The following ABCA1 variants were observed in gnomAD, a reference collection of about 807,000 sequenced individuals.
The protein encoded by ABCA1 is ATP binding cassette subfamily A member 1, also known as phospholipid-transporting ATPase ABCA1.
ABCA1 carries 133 observed loss-of-function variants against 262.5 expected under a neutral mutation model. That is an observed-to-expected ratio of 0.51 (90% CI 0.44 to 0.59). The LOEUF is 0.59. ABCA1 is among the 20% of genes least tolerant of loss of function. The probability of loss-of-function intolerance (pLI) is 0.00; values close to 1 mark genes in which losing one functional copy is unlikely to be tolerated. For missense variants in ABCA1, 2,452 were observed against 2,777.5 expected (o/e 0.88, Z 2.63); for synonymous variants, 1,022 against 1,043.5 (o/e 0.98, Z 0.40).
In ABCA1 at chr9:104,909,651, C is replaced by CAT. The variant is rs1564290670; in HGVS notation, c.-92-5881_-92-5880insAT. 1.4e-3 allele frequency among the ~76,000 whole-genome samples: 186 copies of CAT among 128,842 alleles called. 2 individuals are homozygous for CAT. Among genetic ancestry groups the CAT allele is most frequent in the Middle Eastern group, 0.012 (3 of 242 alleles). The allele number at this position is 128,842 out of a possible 152,430, so 84.5% of individuals were successfully genotyped here. On this transcript the variant is annotated intron_variant, in intron 1 of 49. Transcript: ENST00000374736. ...ACACACACACACACACACACACACA[C>CAT]ACATTCACAGGAAGCTGGCTGTGAA...
At chr9:104,796,268 C>A (rs1829890339) in intron 38 of ABCA1, 41 bp downstream of exon 38, 1 of 1,613,950 alleles carries the variant, frequency 6.2e-7, no homozygotes, top group African/African-American at 1.3e-5. Context: ...GCACCAAATG[C>A]CTTATCCACT....
intron 5 of ABCA1, among the ~76,000 whole-genome samples, chr9:104,864,089 C>CT (rs1242592155): frequency 6.6e-6 from 1 of 152,154 alleles, no homozygotes; most frequent in Non-Finnish European, 1.5e-5. Flanking sequence ...CAGACTATGC[C>CT]TATAGGATAG....
intron 8 of ABCA1, among the ~76,000 whole-genome samples, chr9:104,842,533 G>A (rs1156318484): frequency 1.3e-5 from 2 of 152,048 alleles, no homozygotes; most frequent in Admixed American, 1.3e-4. Context: ...CCCAGCACCC[G>A]TTTCAGGGGT....
In ABCA1 at chr9:104,861,739, G is replaced by A. The variant is rs1175975965; in HGVS notation, c.483C>T (p.Asn161=). ...CCACAGTAGACTTTGGGAGAGAGAG[G>A]TTGTGATACAGGAACCCAGAGAAGG... ...NETFSGFLYH[N]LSLPKSTVDK... is the part of the protein sequence containing the mutation. The change falls in exon 6 of 50, where the codon AAC becomes AAT. Residue 161 remains asparagine (N), a synonymous_variant. Coordinates refer to ENST00000374736, the MANE Select transcript of ABCA1 (RefSeq NM_005502.4). The A allele has an allele frequency of 1.9e-6, 3 of 1,613,754 alleles. No individual in the cohort carries two copies. The highest frequency in any genetic ancestry group is 1.7e-5 in the Admixed American group (1 of 60,002).
chr9:104,784,471 G>C lies in ABCA1; in HGVS notation c.6646-16C>G, dbSNP rs749070718. The C allele has an allele frequency of 4.3e-6, 7 of 1,613,960 alleles. No homozygotes were observed. Among genetic ancestry groups the C allele is most frequent in the Admixed American group, 3.3e-5 (2 of 60,006 alleles). ...TCACAAATACCTGTTAAAAGATTAA[G>C]ATGGACCTTTATAAATACCACTCAA... is the stretch of plus-strand genomic sequence containing the variant. On this transcript the variant is annotated splice_polypyrimidine_tract_variant and intron_variant, in intron 49 of 49. Transcript: ENST00000374736.
At chr9:104,821,346 C>T (rs1325560137) in intron 20 of ABCA1, 29 bp downstream of exon 20, 10 of 1,613,024 alleles carry the variant, frequency 6.2e-6, no homozygotes, top group East Asian at 4.5e-5. Context: ...CCAGAAAAGG[C>T]CTATTCTTAA....
At chr9:104,821,653 C>G (rs1832362704) in intron 19 of ABCA1, 147 bp from the exon 20 acceptor site, 2 of 933,838 alleles carry the variant, frequency 2.1e-6, no homozygotes, top group African/African-American at 3.3e-5. Context: ...CCACACAAAG[C>G]AAAGCTGTCC....
At chr9:104,919,013 T>C (rs1841989838) in intron 1 of ABCA1, among the ~76,000 whole-genome samples, 1 of 152,164 alleles carries the variant, frequency 6.6e-6, no homozygotes, top group African/African-American at 2.4e-5. Flanking sequence ...TCCTAGCAGC[T>C]CCTTCCCCCT....
chr9:104,803,487 T>C (rs1830512934), intron 32 of ABCA1, among the ~76,000 whole-genome samples, 171 bp from the exon 33 acceptor site: 1 of 152,210 alleles, frequency 6.6e-6, no homozygotes, highest in South Asian at 2.1e-4. Context: ...TGTTCAGGCC[T>C]CTTCCAGCCT....
chr9:104,823,306 G>A (rs1002892890), intron 18 of ABCA1, among the ~76,000 whole-genome samples: 2 of 152,090 alleles, frequency 1.3e-5, no homozygotes, highest in African/African-American at 4.8e-5. Flanking sequence ...TGATAAAATT[G>A]CATAGAACTA....
intron 7 of ABCA1, among the ~76,000 whole-genome samples, chr9:104,848,855 G>A (rs944930888): frequency 2.6e-5 from 4 of 152,048 alleles, no homozygotes; most frequent in Admixed American, 6.6e-5. Context: ...GAGGCCACTC[G>A]GTTCACCTGG....
intron 39 of ABCA1, 54 bp from the exon 40 acceptor site, chr9:104,794,564 G>GGT: frequency 6.3e-7 from 1 of 1,579,646 alleles, no homozygotes; most frequent in Non-Finnish European, 8.6e-7. Context: ...AGAAGAAACG[G>GGT]GTGTCATTCA....
At chr9:104,858,483 T>A in intron 7 of ABCA1, 39 bp downstream of exon 7, 1 of 1,600,396 alleles carries the variant, frequency 6.2e-7, no homozygotes, top group Non-Finnish European at 8.6e-7. Flanking sequence ...TCCGAAAGCA[T>A]TAGTGCTTGA....
At chr9:104,899,313 T>C (rs527915208) in intron 2 of ABCA1, among the ~76,000 whole-genome samples, 1 of 152,304 alleles carries the variant, frequency 6.6e-6, no homozygotes, top group South Asian at 2.1e-4. Flanking sequence ...AGAGTTTCCA[T>C]CTACTCTGTA....
intron 7 of ABCA1, 73 bp from the exon 8 acceptor site, chr9:104,845,642 G>T (rs1336809011): frequency 1.9e-6 from 2 of 1,034,772 alleles, no homozygotes; most frequent in African/African-American, 1.6e-5. Context: ...ATAAACAAGT[G>T]AATTAAAACT....
intron 5 of ABCA1, among the ~76,000 whole-genome samples, chr9:104,874,914 G>A (rs1838005402): frequency 6.6e-6 from 1 of 151,606 alleles, no homozygotes; most frequent in Non-Finnish European, 1.5e-5. Context: ...CGGGAGGTGG[G>A]GGGCGCCTCT....
intron 36 of ABCA1, 136 bp from the exon 37 acceptor site, chr9:104,798,734 A>G (rs1425162595): frequency 7.7e-6 from 6 of 778,490 alleles, no homozygotes; most frequent in Non-Finnish European, 1.1e-5. Context: ...AAGGAAAAAC[A>G]TCTGTTCACC....
rs1828688083 is a variant in ABCA1 at position 104,783,928 on chromosome 9, C to T, written c.*387G>A. On this transcript the variant is annotated 3_prime_UTR_variant, in exon 50 of 50. Transcript: ENST00000374736. ...ATGTGCATTACCTTTTGATTTTGAT[C>T]AATAATCGCTGGCCATGATTACTTG... 1 of 184,864 alleles carries T rather than the reference C, an allele frequency of 5.4e-6. No homozygotes were observed. The highest frequency in any genetic ancestry group is 1.1e-4 in the South Asian group (1 of 8,836). The allele number at this position is 184,864 out of a possible 1,614,324, so 11.5% of individuals were successfully genotyped here. A position where few individuals can be genotyped will look rare whatever the true frequency, so the allele number is the denominator to read the frequency against.
rs2118958209 is a variant in ABCA1 at position 104,817,791 on chromosome 9, A to G, written c.3463-387T>C. Among the ~76,000 whole-genome samples, 1 of 152,340 alleles carries G rather than the reference A, an allele frequency of 6.6e-6. No homozygotes were observed. Among genetic ancestry groups the G allele is most frequent in the African/African-American group, 2.4e-5 (1 of 41,570 alleles). ...ACCTTGTTAAAATGCACAGATTCTG[A>G]TTCGGTAGGTCTGAGCTGGGCCCAG... On this transcript the variant is annotated intron_variant, in intron 23 of 49. Coordinates refer to ENST00000374736, the MANE Select transcript of ABCA1 (RefSeq NM_005502.4). This position sits in a 1 kb window ranked among gnomAD's most constrained non-coding sequence, Gnocchi z 4.7.
Sources: allele counts gnomAD v4.1 joint callset (sites outside exome capture counted in the v4.1 genomes callset), GRCh38; gene constraint gnomAD v4.1.1; non-coding constraint Gnocchi (gnomAD v3.1); transcripts MANE v1.5; gene names NCBI Gene and HGNC (gene_info 2026-07-23, HGNC 2026-07-21).